The following ELOA2 variants were observed in gnomAD, a reference collection of about 807,000 sequenced individuals.
ELOA2 encodes the protein elongin A2, also known as elongin-A2.
For missense variants in ELOA2, 1,271 were observed against 979.7 expected (o/e 1.30, Z -3.97); for synonymous variants, 497 against 398.8 (o/e 1.25, Z -2.94).
In ELOA2 at chr18:47,035,466, T is replaced by C; in HGVS notation, c.-202A>G. On this transcript the variant is annotated 5_prime_UTR_variant, in exon 1 of 1. Coordinates refer to ENST00000332567, the MANE Select transcript of ELOA2 (RefSeq NM_016427.3). ...TGGAACGGCCGTCCTTGCAGACAGC[T>C]GAGCAGGCCCGCTTTTGTTCCTCGG... 1.8e-6 allele frequency: 2 copies of C among 1,125,924 alleles called. No individual in the cohort carries two copies. Among genetic ancestry groups the C allele is most frequent in the Non-Finnish European group, 1.2e-6 (1 of 802,418 alleles). 69.7% of individuals were successfully genotyped at this position (1,125,924 alleles called of 1,614,324 possible). A position where few individuals can be genotyped will look rare whatever the true frequency, so the allele number is the denominator to read the frequency against.
rs369675732 is a variant in ELOA2 at position 47,033,011 on chromosome 18, G to C, written c.2254C>G (p.Arg752Gly). Reference sequence around the variant, plus strand: ...CAAGGCAAGTCCTGAGTTTATCGTCGGGAGAATCTTCTCTTGTAGTCTCGA... The same window carrying C: ...CAAGGCAAGTCCTGAGTTTATCGTCCGGAGAATCTTCTCTTGTAGTCTCGA... Reference protein sequence around the residue: ...AIRDYKRRFSRR With the variant: ...AIRDYKRRFSGR The change falls in exon 1 of 1, where the codon CGA (arginine) becomes GGA (glycine). Residue 752 changes from arginine (R) to glycine (G), a missense_variant. Arg to Gly is a moderately radical substitution (Grantham distance 125). Transcript: ENST00000332567. 4 of 1,613,966 alleles carry C rather than the reference G, an allele frequency of 2.5e-6. No individual in the cohort carries two copies. The African/African-American group carries it at 4.0e-5, about 16-fold the overall frequency.
rs752510081 is a variant in ELOA2, at chr18:47,033,348, T to C, written c.1917A>G (p.Ala639=). 1.9e-5 allele frequency: 30 copies of C among 1,613,960 alleles called. No individual in the cohort carries two copies. The highest frequency in any genetic ancestry group is 4.2e-6 in the Non-Finnish European group (5 of 1,180,046). Residue 639 remains alanine, a synonymous_variant, in exon 1 of 1, where the codon GCA becomes GCG. Coordinates refer to ENST00000332567, the MANE Select transcript of ELOA2 (RefSeq NM_016427.3). The part of the protein sequence containing the change: ...ARGNNPNGRE[A]KMICFKSVAK... ...CCACAGATTTGAAACAGATCATCTT[T>C]GCCTCTCTGCCGTTGGGGTTGTTTC...
chr18:47,033,570 A>G lies in ELOA2; in HGVS notation c.1695T>C (p.Asp565=), dbSNP rs1328085169. The change falls in exon 1 of 1, where the codon GAT becomes GAC. Residue 565 remains aspartate, a synonymous_variant. Transcript: ENST00000332567. ...TGTCTTTCTTTCTGCGATACAGCTG[A>G]TCGGGCCTCCACCCTTCCAGAACAG... The part of the protein sequence containing the change: ...LEPVLEGWRP[D]QLYRRKKDNH... 9 of 1,613,910 alleles carry G rather than the reference A, an allele frequency of 5.6e-6. No homozygotes were observed. Among genetic ancestry groups the G allele is most frequent in the South Asian group, 1.1e-5 (1 of 91,082 alleles).
At position 47,032,919 on chromosome 18, in the gene ELOA2, A is replaced by T; in HGVS notation, c.*84T>A. ...CACCAAGTTAAAGGTTCTGGTGTCCATTGGAAGTTTCGTTCCCCAACCCGC... is the reference window on the plus strand; with the variant it reads ...CACCAAGTTAAAGGTTCTGGTGTCCTTTGGAAGTTTCGTTCCCCAACCCGC... On this transcript the variant is annotated 3_prime_UTR_variant, in exon 1 of 1. Coordinates refer to ENST00000332567, the MANE Select transcript of ELOA2 (RefSeq NM_016427.3). 1 of 1,609,190 alleles carries T rather than the reference A, an allele frequency of 6.2e-7. No homozygotes were observed. Among genetic ancestry groups the T allele is most frequent in the Non-Finnish European group, 8.5e-7 (1 of 1,177,710 alleles).
rs555598131 is a variant in ELOA2, at chr18:47,034,897, G to C, written c.368C>G (p.Ser123Cys). ...PENATAPRSPSHSPEHRRTAR... is the reference protein window; with the variant it reads ...PENATAPRSPCHSPEHRRTAR... ...TGTCCGTCTGTGCTCAGGGCTGTGA[G>C]ATGGGCTCCTGGGGGCCGTCGCGTT... is the stretch of plus-strand genomic sequence containing the variant. Residue 123 changes from serine to cysteine, a missense_variant, in exon 1 of 1, where the codon TCT becomes TGT. Coordinates refer to ENST00000332567, the MANE Select transcript of ELOA2 (RefSeq NM_016427.3). The C allele has an allele frequency of 3.1e-6, 5 of 1,612,114 alleles. No homozygotes were observed. In the South Asian group the frequency reaches 4.4e-5, roughly 14 times the overall value.
Position 47,033,444 on chromosome 18 carries a change from C to G in ELOA2, c.1821G>C (p.Gln607His), listed in dbSNP as rs1453783374. The change falls in exon 1 of 1, where the codon CAG (glutamine) becomes CAC (histidine). Residue 607 changes from glutamine (Q) to histidine (H), a missense_variant. Gln to His is a conservative substitution (Grantham distance 24). Coordinates refer to ENST00000332567, the MANE Select transcript of ELOA2 (RefSeq NM_016427.3). The part of the protein sequence containing the change: ...KPQENKTWRE[Q>H]YLRLPDAPEQ... ...CTGGGGCGTCCGGAAGCCGCAGGTA[C>G]TGCTCCCTCCAAGTTTTGTTTTCCT... The G allele has an allele frequency of 1.2e-6, 2 of 1,613,938 alleles. No individual in the cohort carries two copies. The highest frequency in any genetic ancestry group is 2.2e-5 in the South Asian group (2 of 91,086).
In ELOA2 at chr18:47,033,789, G is replaced by A. The variant is rs758467557; in HGVS notation, c.1476C>T (p.Leu492=). Residue 492 remains leucine (L), a synonymous_variant, in exon 1 of 1, where the codon CTC becomes CTT. Transcript: ENST00000332567. The stretch of plus-strand genomic sequence containing the variant: ...CTTCCTCCCGGAACTTTGGTGAAGA[G>A]AGTGCTTCTGGCTTTGCCTGGGAGG... ...SMTSQAKPEA[L]SSPKFREEAA... is the part of the protein sequence containing the mutation. 3.7e-5 allele frequency: 59 copies of A among 1,614,116 alleles called. No homozygotes were observed. Among genetic ancestry groups the A allele is most frequent in the Non-Finnish European group, 4.9e-5 (58 of 1,180,060 alleles).
chr18:47,034,574 G>T lies in ELOA2; in HGVS notation c.691C>A (p.Arg231Ser), dbSNP rs368077113. The T allele has an allele frequency of 5.1e-5, 83 of 1,614,086 alleles. No homozygotes were observed. The African/African-American group carries it at 9.6e-4, about 19-fold the overall frequency. Reference protein sequence around the residue: ...VSHSKGHKSSRQEKRPLCAQG... With the variant: ...VSHSKGHKSSSQEKRPLCAQG... ...GCACACAAGGGGCGTTTTTCCTGGCGAGACGATTTGTGCCCCTTGCTGTGG... is the reference window on the plus strand; with the variant it reads ...GCACACAAGGGGCGTTTTTCCTGGCTAGACGATTTGTGCCCCTTGCTGTGG... The change falls in exon 1 of 1, where the codon CGC (arginine) becomes AGC (serine). Residue 231 changes from arginine (R) to serine (S), a missense_variant. Coordinates refer to ENST00000332567, the MANE Select transcript of ELOA2 (RefSeq NM_016427.3).
rs1487569838 is a variant in ELOA2 at position 47,034,733 on chromosome 18, G to A, written c.532C>T (p.Leu178Phe). ...YRASPTRTAP[L>F]RMPEGPEPAA... ...GGCTCAGGGCCCTCGGGCATCCGGA[G>A]GGGAGCTGTGCGCGTTGGAGAGGCC... Residue 178 changes from leucine to phenylalanine, a missense_variant, in exon 1 of 1, where the codon CTC (leucine) becomes TTC (phenylalanine). Transcript: ENST00000332567. 1.1e-5 allele frequency: 18 copies of A among 1,612,854 alleles called. No homozygotes were observed. The highest frequency in any genetic ancestry group is 1.4e-5 in the Non-Finnish European group (16 of 1,179,864).
At chr18:47,034,284 ATT>A in the ELOA2 span, 2 of 1,613,614 alleles carry the variant, frequency 1.2e-6, no homozygotes, top group Non-Finnish European at 1.7e-6. Context: ...CGTGTGTCCC[ATT>A]TCCTGGGTCC....
Position 47,033,821 on chromosome 18 carries a change from A to G in ELOA2, c.1444T>C (p.Ser482Pro). ...ANYDPLSDSD[S>P]MTSQAKPEAL... ...TCTGGCTTTGCCTGGGAGGTCATGG[A>G]GTCAGAATCCGAAAGCGGATCGTAG... The change falls in exon 1 of 1, where the codon TCC becomes CCC. Residue 482 changes from serine to proline, a missense_variant. Coordinates refer to ENST00000332567, the MANE Select transcript of ELOA2 (RefSeq NM_016427.3). 6.2e-7 allele frequency: 1 copy of G among 1,614,172 alleles called. No individual in the cohort carries two copies. The highest frequency in any genetic ancestry group is 8.5e-7 in the Non-Finnish European group (1 of 1,180,044).
Position 47,032,819 on chromosome 18 carries a change from G to C in ELOA2, c.*184C>G, listed in dbSNP as rs1173913708. ...TTCTGAGGTGTTCTCCAAGCTGGGA[G>C]GTAGTGGCTGGGTGTGGGAGGCAAA... is the stretch of plus-strand genomic sequence containing the variant. On this transcript the variant is annotated 3_prime_UTR_variant, in exon 1 of 1. Coordinates refer to ENST00000332567, the MANE Select transcript of ELOA2 (RefSeq NM_016427.3). The C allele has an allele frequency of 2.8e-6, 3 of 1,059,974 alleles. No individual in the cohort carries two copies. The highest frequency in any genetic ancestry group is 4.1e-6 in the Non-Finnish European group (3 of 736,846). The allele number at this position is 1,059,974 out of a possible 1,614,324, so 65.7% of individuals were successfully genotyped here. A position where few individuals can be genotyped will look rare whatever the true frequency, so the allele number is the denominator to read the frequency against.
In ELOA2 at chr18:47,032,541, T is replaced by C. The variant is rs2576050; in HGVS notation, c.*462A>G. The C allele has an allele frequency of 0.54, 110,965 of 203,614 alleles. 30,667 individuals are homozygous for C. Among genetic ancestry groups the C allele is most frequent in the East Asian group, 0.66 (4,799 of 7,268 alleles). The allele number at this position is 203,614 out of a possible 1,614,324, so 12.6% of individuals were successfully genotyped here. On this transcript the variant is annotated 3_prime_UTR_variant, in exon 1 of 1. Transcript: ENST00000332567. The stretch of plus-strand genomic sequence containing the variant: ...ATGGCTCACGATTACAAGATCATGC[T>C]CAGCCTTTTATTAAAACAACAACAA...
rs1259539009 is a variant in ELOA2 at position 47,033,974 on chromosome 18, G to A, written c.1291C>T (p.Pro431Ser). The change falls in exon 1 of 1, where the codon CCT becomes TCT. Residue 431 changes from proline to serine, a missense_variant. Coordinates refer to ENST00000332567, the MANE Select transcript of ELOA2 (RefSeq NM_016427.3). ...RESWDSAKKL[P>S]PVQESQSERL... ...TCTGACTGGCTTTCCTGGACAGGAG[G>A]CAATTTCTTAGCCGAATCCCAGGAC... 3 of 1,613,318 alleles carry A rather than the reference G, an allele frequency of 1.9e-6. No individual in the cohort carries two copies. Among genetic ancestry groups the A allele is most frequent in the Non-Finnish European group, 2.5e-6 (3 of 1,180,052 alleles).
rs749165906 is a variant in ELOA2, at chr18:47,034,194, G to C, written c.1071C>G (p.Asp357Glu). The C allele has an allele frequency of 1.1e-5, 17 of 1,613,828 alleles. No individual in the cohort carries two copies. The Admixed American group carries it at 2.8e-4, about 27-fold the overall frequency. ...QEGKPPTAHLDRTSVSSLSEV... is the reference protein window; with the variant it reads ...QEGKPPTAHLERTSVSSLSEV... ...CAGAGAGGGAGCTCACGGACGTTCT[G>C]TCCAAATGAGCAGTCGGTGGCTTCC... Residue 357 changes from aspartate to glutamate, a missense_variant, in exon 1 of 1, where the codon GAC (aspartate) becomes GAG (glutamate). Coordinates refer to ENST00000332567, the MANE Select transcript of ELOA2 (RefSeq NM_016427.3).
rs2060707781 is a variant in ELOA2 at position 47,035,152 on chromosome 18, G to A, written c.113C>T (p.Pro38Leu). The A allele has an allele frequency of 1.2e-6, 2 of 1,611,890 alleles. No homozygotes were observed. The highest frequency in any genetic ancestry group is 1.7e-6 in the Non-Finnish European group (2 of 1,179,822). The change falls in exon 1 of 1, where the codon CCC (proline) becomes CTC (leucine). Residue 38 changes from proline to leucine, a missense_variant. Transcript: ENST00000332567. ...CTCCGCCAGGATGTCTGCCGTCATG[G>A]GCAAGGCGGAGAGTTTCTGCAAATA... ...EKYLQKLSAL[P>L]MTADILAETG...
At position 47,034,780 on chromosome 18, in the gene ELOA2, G is replaced by A; in HGVS notation, c.485C>T (p.Pro162Leu). The stretch of plus-strand genomic sequence containing the variant: ...GGCCCGATAGCGGCCGGAATCAGCT[G>A]GGGCTATTCTGGGGCACTTTCTCTC... ...RAERKCPRIA[P>L]ADSGRYRASP... is the part of the protein sequence containing the mutation. Residue 162 changes from proline to leucine, a missense_variant, in exon 1 of 1, where the codon CCA becomes CTA. Physicochemically the swap from Pro to Leu is moderately conservative, Grantham distance 98. Transcript: ENST00000332567. The A allele has an allele frequency of 6.2e-7, 1 of 1,612,566 alleles. No individual in the cohort carries two copies. Among genetic ancestry groups the A allele is most frequent in the Non-Finnish European group, 8.5e-7 (1 of 1,179,712 alleles).
rs2060680718 is a variant in ELOA2, at chr18:47,034,758, C to T, written c.507G>A (p.Arg169=). 3.1e-6 allele frequency: 5 copies of T among 1,612,604 alleles called. No individual in the cohort carries two copies. Among genetic ancestry groups the T allele is most frequent in the Non-Finnish European group, 4.2e-6 (5 of 1,179,756 alleles). The change falls in exon 1 of 1, where the codon CGG becomes CGA. Residue 169 remains arginine (R), a synonymous_variant. Coordinates refer to ENST00000332567, the MANE Select transcript of ELOA2 (RefSeq NM_016427.3). ...GGGGAGCTGTGCGCGTTGGAGAGGC[C>T]CGATAGCGGCCGGAATCAGCTGGGG... ...RIAPADSGRY[R]ASPTRTAPLR...
rs767042449 is a variant in ELOA2 at position 47,033,171 on chromosome 18, G to A, written c.2094C>T (p.Ser698=). The A allele has an allele frequency of 1.9e-6, 3 of 1,614,094 alleles. No individual in the cohort carries two copies. The highest frequency in any genetic ancestry group is 2.2e-5 in the South Asian group (2 of 91,068). ...CAGGGAGCCAGCGAAGGATGCTGCT[G>A]CTGCTGTCTCTGCCACCGCCGCTGC... ...QSSSGGGRDS[S]SSILRWLPEK... The change falls in exon 1 of 1, where the codon AGC becomes AGT. Residue 698 remains serine, a synonymous_variant. Transcript: ENST00000332567.
Sources: allele counts gnomAD v4.1 joint callset, GRCh38; gene constraint gnomAD v4.1.1; transcripts MANE v1.5; gene names NCBI Gene and HGNC (gene_info 2026-07-23, HGNC 2026-07-21).